PCNX1: variants seen among roughly 807,000 people sequenced by gnomAD.
The protein encoded by PCNX1 is pecanex 1, also known as pecanex-like protein 1.
Under a neutral mutation model 242.2 loss-of-function variants are expected in PCNX1, and 78 were observed. That is an observed-to-expected ratio of 0.32 (90% CI 0.27 to 0.39). The LOEUF (loss-of-function observed/expected upper bound fraction) is 0.39. Among genes scored for constraint, PCNX1 ranks in the 10% least tolerant of loss-of-function variants. The pLI is 1.00. For synonymous variants in PCNX1, 1,024 were observed against 1,032.9 expected (o/e 0.99, Z 0.17); for missense variants, 2,581 against 2,856.5 (o/e 0.90, Z 2.20).
chr14:70,977,538 A>G lies in PCNX1; in HGVS notation c.1201A>G (p.Lys401Glu), dbSNP rs1333495572. ...CACTAACAGTACTGTCAGCAGCTATAAAAGTGAGCAGACCAGCTCAACTCA... is the reference window on the plus strand; with the variant it reads ...CACTAACAGTACTGTCAGCAGCTATGAAAGTGAGCAGACCAGCTCAACTCA... The part of the protein sequence containing the change: ...RDTNSTVSSY[K>E]SEQTSSTHIE... The change falls in exon 6 of 36, where the codon AAA (lysine) becomes GAA (glutamate). Residue 401 changes from lysine to glutamate, a missense_variant. Coordinates refer to ENST00000304743, the MANE Select transcript of PCNX1 (RefSeq NM_014982.3). 7.4e-6 allele frequency: 12 copies of G among 1,614,192 alleles called. No homozygotes were observed. Among genetic ancestry groups the G allele is most frequent in the Non-Finnish European group, 1.0e-5 (12 of 1,180,028 alleles).
chr14:71,030,872 G>A (rs2060362275), intron 16 of PCNX1, among the ~76,000 whole-genome samples: 2 of 152,092 alleles, frequency 1.3e-5, no homozygotes, highest in East Asian at 1.9e-4. Context: ...GCAGGATGAT[G>A]GTTATAAGGA....
In PCNX1 at chr14:71,063,120, T is replaced by C. The variant is rs9806048; in HGVS notation, c.4852+5396T>C. 5.3e-3 allele frequency among the ~76,000 whole-genome samples: 800 copies of C among 152,344 alleles called. 4 individuals are homozygous for C. The highest frequency in any genetic ancestry group is 0.019 in the African/African-American group (771 of 41,590). The stretch of plus-strand genomic sequence containing the variant: ...GTCACAGAATGTATCCCCATAGTTA[T>C]GCAACATGTGACTGTTTATTGTTTA... On this transcript the variant is annotated intron_variant, in intron 26 of 35. Coordinates refer to ENST00000304743, the MANE Select transcript of PCNX1 (RefSeq NM_014982.3).
intron 1 of PCNX1, among the ~76,000 whole-genome samples, chr14:70,937,321 G>A (rs1351235612): frequency 2.6e-5 from 4 of 152,172 alleles, no homozygotes; most frequent in African/African-American, 9.7e-5. Flanking sequence ...TAAGGTATAA[G>A]AAAGGGATCC....
At chr14:70,936,681 G>A (rs1353880163) in intron 1 of PCNX1, among the ~76,000 whole-genome samples, 2 of 152,200 alleles carry the variant, frequency 1.3e-5, no homozygotes, top group African/African-American at 2.4e-5. Flanking sequence ...GGTATCTCTA[G>A]TTCTAGATCC....
In PCNX1 at chr14:70,988,654, G is replaced by A. The variant is rs2059068405; in HGVS notation, c.2399G>A (p.Gly800Glu). 6.2e-7 allele frequency: 1 copy of A among 1,614,000 alleles called. No individual in the cohort carries two copies. The highest frequency in any genetic ancestry group is 8.5e-7 in the Non-Finnish European group (1 of 1,179,936). Residue 800 changes from glycine to glutamate, a missense_variant, in exon 7 of 36, where the codon GGG (glycine) becomes GAG (glutamate). Gly to Glu is a moderately conservative substitution (Grantham distance 98). Transcript: ENST00000304743. ...GCAGTACGGCGCCGGCACAATGCAG[G>A]GAGTAACCCTACCCCTCCTACATTG... ...RQAVRRRHNA[G>E]SNPTPPTLLI...
intron 1 of PCNX1, among the ~76,000 whole-genome samples, chr14:70,934,042 TTG>T (rs1481084518): frequency 1.3e-5 from 2 of 152,232 alleles, no homozygotes; most frequent in Non-Finnish European, 2.9e-5. Context: ...GAAAGGAGTA[TTG>T]TATAAAAGAT....
At chr14:70,956,337 T>A (rs1238537111) in intron 2 of PCNX1, among the ~76,000 whole-genome samples, 4 of 151,496 alleles carry the variant, frequency 2.6e-5, no homozygotes, top group Admixed American at 2.0e-4. Context: ...GAGGCCAGGG[T>A]TTTGAGACCA....
intron 31 of PCNX1, 44 bp from the exon 32 acceptor site, chr14:71,103,351 A>G: frequency 6.3e-7 from 1 of 1,593,834 alleles, no homozygotes. Context: ...TGTGAATTTT[A>G]TTCTTGGCCC....
chr14:71,018,309 G>A (rs912628678), intron 11 of PCNX1, among the ~76,000 whole-genome samples: 2 of 152,046 alleles, frequency 1.3e-5, no homozygotes, highest in Admixed American at 1.3e-4. Context: ...ATAGATTCAT[G>A]TGTGTGTATG....
intron 30 of PCNX1, among the ~76,000 whole-genome samples, chr14:71,098,788 CT>C (rs1566802522): frequency 6.6e-6 from 1 of 151,890 alleles, no homozygotes; most frequent in Non-Finnish European, 1.5e-5. Flanking sequence ...ATTTGGATGC[CT>C]TTTTTTCCCC....
chr14:71,104,322 C>T (rs2062548871), intron 32 of PCNX1, among the ~76,000 whole-genome samples: 1 of 152,070 alleles, frequency 6.6e-6, no homozygotes, highest in Non-Finnish European at 1.5e-5. Flanking sequence ...GCAATTAAAG[C>T]AGCAAACTCT....
intron 20 of PCNX1, 147 bp downstream of exon 20, chr14:71,045,430 G>C: frequency 1.6e-6 from 1 of 619,274 alleles, no homozygotes; most frequent in Non-Finnish European, 2.7e-6. Context: ...AATGAATCTA[G>C]TCTCTTGCAG....
chr14:71,061,136 C>T (rs1359525266), intron 26 of PCNX1, among the ~76,000 whole-genome samples: 1 of 152,198 alleles, frequency 6.6e-6, no homozygotes, highest in Non-Finnish European at 1.5e-5. Flanking sequence ...GAGGCCAAGT[C>T]AATGCCAGGT....
rs534849301 is a variant in PCNX1 at position 70,947,766 on chromosome 14, T to G, written c.362+643T>G. On this transcript the variant is annotated intron_variant, in intron 2 of 35. Coordinates refer to ENST00000304743, the MANE Select transcript of PCNX1 (RefSeq NM_014982.3). ...TTTTCAGGGAACAAGGAGATAACCA[T>G]AAAGTCTGACTGCCTGCGGGCTGGG... 3.3e-5 allele frequency among the ~76,000 whole-genome samples: 5 copies of G among 152,316 alleles called. No individual in the cohort carries two copies. The East Asian group carries it at 9.6e-4, about 29-fold the overall frequency.
intron 6 of PCNX1, among the ~76,000 whole-genome samples, chr14:70,979,743 C>T (rs2058782429): frequency 6.6e-6 from 1 of 152,056 alleles, no homozygotes; most frequent in Admixed American, 6.5e-5. Flanking sequence ...TTTTAAAAGT[C>T]CATATTGTGG....
intron 15 of PCNX1, among the ~76,000 whole-genome samples, chr14:71,028,003 ATTTC>A (rs1044966456): frequency 6.6e-6 from 1 of 151,830 alleles, no homozygotes; most frequent in African/African-American, 2.4e-5. Flanking sequence ...ATTTCTGTAG[ATTTC>A]TTTTATTATT....
At chr14:71,067,894 G>A (rs2061488478) in intron 26 of PCNX1, among the ~76,000 whole-genome samples, 1 of 151,750 alleles carries the variant, frequency 6.6e-6, no homozygotes, top group South Asian at 2.1e-4. Context: ...AGTCATTCAG[G>A]AGCTGGTTGT....
intron 1 of PCNX1, among the ~76,000 whole-genome samples, chr14:70,919,577 G>T (rs950066980): frequency 6.6e-6 from 1 of 151,924 alleles, no homozygotes; most frequent in Non-Finnish European, 1.5e-5. Flanking sequence ...TACAACAAAC[G>T]TTCTATAGAG....
chr14:70,937,798 T>C (rs374039471), intron 1 of PCNX1, among the ~76,000 whole-genome samples: 1 of 152,150 alleles, frequency 6.6e-6, no homozygotes, highest in Non-Finnish European at 1.5e-5. Flanking sequence ...TTTGTGTCCT[T>C]TTTTATTTCG....
Sources: gnomAD v4.1 joint callset for allele counts (sites outside exome capture counted in the v4.1 genomes callset) on GRCh38, gnomAD v4.1.1 for gene constraint, MANE v1.5 for transcripts, NCBI Gene and HGNC (gene_info 2026-07-23, HGNC 2026-07-21) for gene names.